The following SMIM26 variants were observed in gnomAD, a reference collection of about 807,000 sequenced individuals.
SMIM26 encodes the protein long intergenic non-protein coding RNA 493.
A neutral mutation model predicts 2.5 loss-of-function variants in SMIM26; 2 were observed. The observed-to-expected ratio is 0.80, with a 90% confidence interval of 0.33 to 2.53. SMIM26 has a LOEUF of 2.53. Among genes scored for constraint, SMIM26 ranks in the 30% most tolerant of loss-of-function variants. The pLI, the probability that SMIM26 is intolerant of heterozygous loss-of-function variation, is 0.11. For synonymous variants in SMIM26, 32 were observed against 17.8 expected (o/e 1.80, Z -2.01); for missense variants, 77 against 46.1 (o/e 1.67, Z -1.94).
intron 1 of SMIM26, 137 bp downstream of exon 1, chr20:18,567,733 C>T (rs2060518895): frequency 3.2e-6 from 2 of 629,604 alleles, no homozygotes; most frequent in Non-Finnish European, 5.7e-6. Flanking sequence ...TGCTAACAGC[C>T]GTTTGTTATA....
chr20:18,569,010 A>G (rs1244343138), intron 1 of SMIM26: 6 of 422,234 alleles, frequency 1.4e-5, no homozygotes, highest in Non-Finnish European at 2.1e-5. Flanking sequence ...ACCTGACCTC[A>G]GGTGGTCCAC....
intron 1 of SMIM26, 61 bp downstream of exon 1, chr20:18,567,657 G>C (rs2122214151): frequency 1.4e-6 from 1 of 697,140 alleles, no homozygotes; most frequent in African/African-American, 1.8e-5. Context: ...GTTCCCCGGG[G>C]GTCATGGAAA....
At chr20:18,567,649 TC>T (rs11475009) in intron 1 of SMIM26, 53 bp downstream of exon 1, 227,776 of 699,264 alleles carry the variant, frequency 0.33, 39,348 homozygotes, top group Middle Eastern at 0.4. Flanking sequence ...CGATGAGAGT[TC>T]CCCGGGGGTC....
rs1360044588 is a variant in SMIM26, at chr20:18,569,409, G to A, written c.*4G>A. 1 of 702,742 alleles carries A rather than the reference G, an allele frequency of 1.4e-6. No homozygotes were observed. Among genetic ancestry groups the A allele is most frequent in the Admixed American group, 2.0e-5 (1 of 49,986 alleles). 43.5% of individuals were successfully genotyped at this position (702,742 alleles called of 1,614,324 possible). ...TGGCCCTGGTACAGAACCATGACTG[G>A]CTGCTGAATTCTGAAAACCAGGACT... On this transcript the variant is annotated 3_prime_UTR_variant, in exon 2 of 2. Transcript: ENST00000411646.
Position 18,567,519 on chromosome 20 carries a change from C to G in SMIM26, c.41C>G (p.Ser14Trp), listed in dbSNP as rs780356335. The G allele has an allele frequency of 2.8e-6, 2 of 703,048 alleles. No individual in the cohort carries two copies. The highest frequency in any genetic ancestry group is 3.0e-5 in the South Asian group (2 of 67,600). The allele number at this position is 703,048 out of a possible 1,614,324, so 43.6% of individuals were successfully genotyped here. The change falls in exon 1 of 2, where the codon TCG becomes TGG. Residue 14 changes from serine to tryptophan, a missense_variant. Ser to Trp is a radical substitution (Grantham distance 177). Coordinates refer to ENST00000411646, the MANE Select transcript of SMIM26 (RefSeq NM_001348957.2). The stretch of plus-strand genomic sequence containing the variant: ...TTCACGGCCTGGTACCGGCGGATGT[C>G]GGTGGTCTACGGGATCGGCACCTGG... ...NEFTAWYRRM[S>W]VVYGIGTWSV...
At position 18,567,492 on chromosome 20, in the gene SMIM26, A is replaced by T. The variant is rs868809510; in HGVS notation, c.14A>T (p.Glu5Val). 1.4e-6 allele frequency: 1 copy of T among 703,016 alleles called. No individual in the cohort carries two copies. The highest frequency in any genetic ancestry group is 1.5e-5 in the South Asian group (1 of 67,602). 43.5% of individuals were successfully genotyped at this position (703,016 alleles called of 1,614,324 possible). The change falls in exon 1 of 2, where the codon GAG becomes GTG. Residue 5 changes from glutamate (E) to valine (V), a missense_variant. Coordinates refer to ENST00000411646, the MANE Select transcript of SMIM26 (RefSeq NM_001348957.2). ...GCTGGCGTACCCATGTATCGAAATG[A>T]GTTCACGGCCTGGTACCGGCGGATG... is the stretch of plus-strand genomic sequence containing the variant. MYRNEFTAWYRRMSV... is the reference protein window; with the variant it reads MYRNVFTAWYRRMSV...
rs532228853 is a variant in SMIM26, at chr20:18,568,062, A to T, written c.118+466A>T. On this transcript the variant is annotated intron_variant, in intron 1 of 1. Transcript: ENST00000411646. ...AAATATGCTGGAAATCTGTAGAGAC[A>T]TTAAGTTGATTAGTGTGGTTGCTAG... Among the ~76,000 whole-genome samples the T allele has an allele frequency of 4.7e-4, 71 of 152,264 alleles. 1 individual carries two copies. The highest frequency in any genetic ancestry group is 1.9e-3 in the Admixed American group (29 of 15,286).
At chr20:18,567,809 T>C (rs1025448529) in intron 1 of SMIM26, among the ~76,000 whole-genome samples, 2 of 152,236 alleles carry the variant, frequency 1.3e-5, no homozygotes, top group African/African-American at 4.8e-5. Context: ...TTCCTAAATC[T>C]GAATCATTTA....
chr20:18,567,660 C>A, intron 1 of SMIM26, 64 bp downstream of exon 1: 2 of 695,638 alleles, frequency 2.9e-6, no homozygotes, highest in South Asian at 3.0e-5. Flanking sequence ...CCCCGGGGGT[C>A]ATGGAAACAA....
rs562166414 is a variant in SMIM26, at chr20:18,569,286, C to T, written c.169C>T (p.Arg57Cys). The change falls in exon 2 of 2, where the codon CGC (arginine) becomes TGC (cysteine). Residue 57 changes from arginine to cysteine, a missense_variant. Transcript: ENST00000411646. Reference sequence around the variant, plus strand: ...TGAAGTACCCAGTGAACTCTCTGAACGCCCAAAAGGATTTTATGTGGAAAC... The same window carrying T: ...TGAAGTACCCAGTGAACTCTCTGAATGCCCAAAAGGATTTTATGTGGAAAC... ...ASEVPSELSE[R>C]PKGFYVETVV... 5.7e-5 allele frequency: 40 copies of T among 702,040 alleles called. No homozygotes were observed. Among genetic ancestry groups the T allele is most frequent in the Middle Eastern group, 2.3e-4 (1 of 4,368 alleles). 43.5% of individuals were successfully genotyped at this position (702,040 alleles called of 1,614,324 possible). A position where few individuals can be genotyped will look rare whatever the true frequency, so the allele number is the denominator to read the frequency against.
At chr20:18,567,895 C>G (rs2060519723) in intron 1 of SMIM26, among the ~76,000 whole-genome samples, 2 of 152,176 alleles carry the variant, frequency 1.3e-5, no homozygotes, top group Non-Finnish European at 2.9e-5. Context: ...GAGACTCTGG[C>G]CGGTGATTTT....
chr20:18,567,613 G>T lies in SMIM26; in HGVS notation c.118+17G>T. ...AGTCGTCAGGTAGGGCTCTTCGGCG[G>T]GGCCTGCCCCGGAACACACGGCCTT... On this transcript the variant is annotated intron_variant, in intron 1 of 1. Coordinates refer to ENST00000411646, the MANE Select transcript of SMIM26 (RefSeq NM_001348957.2). 1 of 702,980 alleles carries T rather than the reference G, an allele frequency of 1.4e-6. No individual in the cohort carries two copies. The highest frequency in any genetic ancestry group is 1.5e-5 in the South Asian group (1 of 67,594). The allele number at this position is 702,980 out of a possible 1,614,324, so 43.5% of individuals were successfully genotyped here.
In SMIM26 at chr20:18,567,924, T is replaced by C. The variant is rs113824024; in HGVS notation, c.118+328T>C. On this transcript the variant is annotated intron_variant, in intron 1 of 1. Transcript: ENST00000411646. The stretch of plus-strand genomic sequence containing the variant: ...TGATTTTTAAAGAGTGATGCTTCAG[T>C]ACTACTGTCCCTCATCGTATATGGC... Among the ~76,000 whole-genome samples the C allele has an allele frequency of 3.4e-3, 514 of 152,360 alleles. 6 individuals are homozygous for C. Among genetic ancestry groups the C allele is most frequent in the African/African-American group, 0.012 (499 of 41,568 alleles).
intron 1 of SMIM26, chr20:18,568,491 G>T (rs1032390467): frequency 2.6e-5 from 4 of 151,030 alleles, no homozygotes; most frequent in South Asian, 2.1e-4. Context: ...AAAAGAAAAA[G>T]AAATTTTTAT....
At chr20:18,567,841 T>A (rs1424627329) in intron 1 of SMIM26, among the ~76,000 whole-genome samples, 2 of 152,222 alleles carry the variant, frequency 1.3e-5, no homozygotes, top group African/African-American at 4.8e-5. Flanking sequence ...CGTCCCCATA[T>A]TCAGAATTGG....
chr20:18,569,093 C>T (rs2060523444), intron 1 of SMIM26, 143 bp from the exon 2 acceptor site: 1 of 558,270 alleles, frequency 1.8e-6, no homozygotes, highest in African/African-American at 1.9e-5. Flanking sequence ...CTTTTCCCTT[C>T]CTTTTCATTC....
rs576559129 is a variant in SMIM26, at chr20:18,569,217, T to A, written c.119-19T>A. 3.2e-6 allele frequency: 2 copies of A among 626,882 alleles called. No individual in the cohort carries two copies. The highest frequency in any genetic ancestry group is 3.8e-5 in the African/African-American group (2 of 52,946). The allele number at this position is 626,882 out of a possible 1,614,324, so 38.8% of individuals were successfully genotyped here. A position where few individuals can be genotyped will look rare whatever the true frequency, so the allele number is the denominator to read the frequency against. ...AATTCAGGTGTTCTTTTTTTTTTTT[T>A]CTCTTAATGGTGATAAAGTAGACCA... is the stretch of plus-strand genomic sequence containing the variant. On this transcript the variant is annotated intron_variant, in intron 1 of 1. Coordinates refer to ENST00000411646, the MANE Select transcript of SMIM26 (RefSeq NM_001348957.2).
chr20:18,568,978 G>A lies in SMIM26; in HGVS notation c.119-258G>A, dbSNP rs1042074473. 7 of 330,070 alleles carry A rather than the reference G, an allele frequency of 2.1e-5. No homozygotes were observed. The East Asian group carries it at 3.2e-4, about 15-fold the overall frequency. 20.4% of individuals were successfully genotyped at this position (330,070 alleles called of 1,614,324 possible). A position where few individuals can be genotyped will look rare whatever the true frequency, so the allele number is the denominator to read the frequency against. The stretch of plus-strand genomic sequence containing the variant: ...TTTAGTAGAGATGGGGTTTCACTAC[G>A]TTGGCGAGGCTGGTCTCAAACACCT... On this transcript the variant is annotated intron_variant, in intron 1 of 1. Transcript: ENST00000411646.
At position 18,569,437 on chromosome 20, in the gene SMIM26, G is replaced by A. The variant is rs1568632561; in HGVS notation, c.*32G>A. 2.8e-6 allele frequency: 2 copies of A among 702,782 alleles called. No homozygotes were observed. Among genetic ancestry groups the A allele is most frequent in the Non-Finnish European group, 2.6e-6 (1 of 384,938 alleles). 43.5% of individuals were successfully genotyped at this position (702,782 alleles called of 1,614,324 possible). A position where few individuals can be genotyped will look rare whatever the true frequency, so the allele number is the denominator to read the frequency against. On this transcript the variant is annotated 3_prime_UTR_variant, in exon 2 of 2. Transcript: ENST00000411646. ...GCTGAATTCTGAAAACCAGGACTTG[G>A]TTCAACATTTAAATTTGATAGTTGC...
Sources: gnomAD v4.1 joint callset for allele counts (sites outside exome capture counted in the v4.1 genomes callset) on GRCh38, gnomAD v4.1.1 for gene constraint, MANE v1.5 for transcripts, NCBI Gene and HGNC (gene_info 2026-07-23, HGNC 2026-07-21) for gene names.